The following CDH12 variants were observed in gnomAD, a reference collection of about 807,000 sequenced individuals.
CDH12 encodes cadherin-12.
A neutral mutation model predicts 74.1 loss-of-function variants in CDH12; 41 were observed. That is an observed-to-expected ratio of 0.55 (90% confidence interval 0.43 to 0.72). The LOEUF is 0.72. CDH12 is among the 30% of genes least tolerant of loss of function. The probability of loss-of-function intolerance (pLI) is 0.00; values close to 1 mark genes in which losing one functional copy is unlikely to be tolerated. For missense variants in CDH12, 945 were observed against 977.2 expected, an observed-to-expected ratio of 0.97 and a Z score of 0.44; for synonymous variants, 399 against 355.0, an observed-to-expected ratio of 1.12 and a Z score of -1.39.
At chr5:22,366,129 T>C (rs1741021403) in intron 3 of CDH12, among the ~76,000 whole-genome samples, 1 of 152,098 alleles carries the variant, frequency 6.6e-6, no homozygotes, top group African/African-American at 2.4e-5. Flanking sequence ...CAGCTAATTT[T>C]TGTATTTTTA....
chr5:22,214,846 C>T (rs1751739263), intron 3 of CDH12, among the ~76,000 whole-genome samples: 1 of 152,142 alleles, frequency 6.6e-6, no homozygotes, highest in Non-Finnish European at 1.5e-5. Context: ...CTCATAAAAT[C>T]CAGAGGTCTT....
intron 3 of CDH12, among the ~76,000 whole-genome samples, chr5:22,373,263 C>T (rs966760412): frequency 2.0e-5 from 3 of 152,220 alleles, no homozygotes; most frequent in Admixed American, 6.5e-5. Flanking sequence ...ACAGTTGGCA[C>T]CCCCTGGCAT....
chr5:22,316,559 T>C (rs549160804), intron 3 of CDH12, among the ~76,000 whole-genome samples: 3 of 152,210 alleles, frequency 2.0e-5, no homozygotes, highest in Admixed American at 6.5e-5. Context: ...ACCAAATACA[T>C]GATGTGATTG....
intron 3 of CDH12, among the ~76,000 whole-genome samples, chr5:22,252,966 C>T (rs1269971548): frequency 2.0e-5 from 3 of 151,908 alleles, no homozygotes; most frequent in Admixed American, 6.6e-5. Flanking sequence ...GTACTTCCCA[C>T]AGTAGAATAA....
intron 4 of CDH12, among the ~76,000 whole-genome samples, chr5:22,211,212 G>A (rs1427546224): frequency 1.3e-5 from 2 of 151,994 alleles, no homozygotes; most frequent in Admixed American, 1.3e-4. Flanking sequence ...CAGGAAATAC[G>A]AGTGCTCACT....
At chr5:22,224,746 G>T (rs1329500435) in intron 3 of CDH12, among the ~76,000 whole-genome samples, 1 of 144,304 alleles carries the variant, frequency 6.9e-6, no homozygotes, top group African/African-American at 2.7e-5. Context: ...ACAGTGATTA[G>T]TTGAATAGTA....
intron 1 of CDH12, among the ~76,000 whole-genome samples, chr5:22,636,712 G>C (rs920759792): frequency 6.6e-6 from 1 of 152,144 alleles, no homozygotes; most frequent in South Asian, 2.1e-4. Flanking sequence ...CAGAGGAAAG[G>C]GTGATGAAAA....
intron 1 of CDH12, among the ~76,000 whole-genome samples, chr5:22,819,887 C>A (rs1749582951): frequency 1.4e-5 from 2 of 146,544 alleles, no homozygotes; most frequent in South Asian, 4.3e-4. Flanking sequence ...TATTTATATC[C>A]AGATATAAGA....
chr5:21,866,542 T>C (rs898833314), intron 6 of CDH12, among the ~76,000 whole-genome samples: 1 of 152,078 alleles, frequency 6.6e-6, no homozygotes, highest in African/African-American at 2.4e-5. Flanking sequence ...GCCTAGAGAT[T>C]TGTGGAGCTT....
At chr5:22,726,290 T>C (rs565427488) in intron 1 of CDH12, among the ~76,000 whole-genome samples, 4 of 151,932 alleles carry the variant, frequency 2.6e-5, no homozygotes, top group African/African-American at 9.6e-5. Flanking sequence ...GTTGGAATTA[T>C]ATGTTATATG....
intron 1 of CDH12, among the ~76,000 whole-genome samples, chr5:22,818,253 T>C (rs1749490632): frequency 6.6e-6 from 1 of 152,168 alleles, no homozygotes; most frequent in African/African-American, 2.4e-5. Flanking sequence ...ACCTGGCATC[T>C]CTTCCTCATT....
At chr5:21,770,386 G>A (rs940920559) in intron 11 of CDH12, among the ~76,000 whole-genome samples, 1 of 152,112 alleles carries the variant, frequency 6.6e-6, no homozygotes, top group Non-Finnish European at 1.5e-5. Context: ...CAATTTGGGA[G>A]GCCAAGGCAA....
intron 1 of CDH12, among the ~76,000 whole-genome samples, chr5:22,843,406 C>T (rs951070269): frequency 2.0e-5 from 3 of 152,006 alleles, no homozygotes; most frequent in Non-Finnish European, 4.4e-5. Flanking sequence ...TTACCTCCCC[C>T]ATGGTTGTCA....
At chr5:22,732,463 TATATATATAC>T (rs750870506) in intron 1 of CDH12, among the ~76,000 whole-genome samples, 5,704 of 98,202 alleles carry the variant, frequency 0.058, 151 homozygotes, top group Admixed American at 0.099. Context: ...TGTGTATATA[TATATATATAC>T]ACACACACAC....
At chr5:21,848,841 A>T (rs1268397324) in intron 7 of CDH12, among the ~76,000 whole-genome samples, 2 of 151,848 alleles carry the variant, frequency 1.3e-5, no homozygotes, top group African/African-American at 4.8e-5. Flanking sequence ...AGGATTATAT[A>T]CCAGAAAACT....
chr5:22,828,604 T>C (rs1736445704), intron 1 of CDH12, among the ~76,000 whole-genome samples: 1 of 152,180 alleles, frequency 6.6e-6, no homozygotes, highest in Non-Finnish European at 1.5e-5. Context: ...TAAAGTCCGC[T>C]GAAGGAATAA....
At chr5:22,776,034 C>T (rs1324635629) in intron 1 of CDH12, among the ~76,000 whole-genome samples, 1 of 152,070 alleles carries the variant, frequency 6.6e-6, no homozygotes, top group Non-Finnish European at 1.5e-5. Flanking sequence ...TCTGAGGCCT[C>T]CCCAGCCATG....
chr5:22,798,924 G>A (rs1748367683), intron 1 of CDH12, among the ~76,000 whole-genome samples: 1 of 152,000 alleles, frequency 6.6e-6, no homozygotes, highest in Non-Finnish European at 1.5e-5. Context: ...AGATCAGCCT[G>A]GCCAGCATGA....
intron 1 of CDH12, among the ~76,000 whole-genome samples, chr5:22,567,217 G>A (rs532580904): frequency 5.5e-4 from 83 of 152,158 alleles, no homozygotes; most frequent in African/African-American, 1.9e-3. Context: ...CCCAAGGTTT[G>A]GAGTTAGCCA....
Sources: allele counts gnomAD v4.1 joint callset (sites outside exome capture counted in the v4.1 genomes callset), GRCh38; gene constraint gnomAD v4.1.1; transcripts MANE v1.5; gene names NCBI Gene and HGNC (gene_info 2026-07-23, HGNC 2026-07-21).